Variants in DOCK4 observed in about 807,000 individuals in gnomAD.
The protein encoded by DOCK4 is dedicator of cytokinesis 4.
DOCK4 carries 97 observed loss-of-function variants against 268.1 expected under a neutral mutation model. The ratio of observed to expected loss-of-function variants is 0.36; its 90% CI spans 0.31 to 0.43. The LOEUF is 0.43. DOCK4 is among the 20% of genes least tolerant of loss of function. DOCK4 has a pLI of 1.00. For synonymous variants in DOCK4, 954 were observed against 887.2 expected (o/e 1.08, Z -1.34); for missense variants, 2,145 against 2,455.7 (o/e 0.87, Z 2.67).
At chr7:111,940,285 A>C (rs1309489150) in intron 10 of DOCK4, 43 bp from the exon 11 acceptor site, 20 of 1,612,822 alleles carry the variant, frequency 1.2e-5, no homozygotes, top group Non-Finnish European at 1.6e-5. Context: ...GAGCCATTTG[A>C]TTAGATGCAT....
At chr7:111,864,502 C>G (rs1028505089) in intron 22 of DOCK4, among the ~76,000 whole-genome samples, 1 of 152,138 alleles carries the variant, frequency 6.6e-6, no homozygotes. Context: ...CTGACTCCAT[C>G]AGAAAATAGG....
At chr7:111,737,241 A>C (rs1483664123) in intron 49 of DOCK4, among the ~76,000 whole-genome samples, 1 of 152,200 alleles carries the variant, frequency 6.6e-6, no homozygotes, top group East Asian at 1.9e-4. Flanking sequence ...AATGTTCATA[A>C]TAAAATGTAA....
chr7:111,920,351 T>A (rs1793002178), intron 12 of DOCK4, among the ~76,000 whole-genome samples: 1 of 152,232 alleles, frequency 6.6e-6, no homozygotes, highest in South Asian at 2.1e-4. Context: ...TTTAATCATT[T>A]AGCAGTGTAT....
chr7:112,077,862 G>C (rs1808225401), intron 1 of DOCK4, among the ~76,000 whole-genome samples: 1 of 152,004 alleles, frequency 6.6e-6, no homozygotes, highest in Admixed American at 6.6e-5. Flanking sequence ...TAATAGGTTT[G>C]CTAAAAATAT....
intron 12 of DOCK4, 49 bp downstream of exon 12, chr7:111,935,491 G>C (rs1794667300): frequency 6.5e-7 from 1 of 1,529,968 alleles, no homozygotes; most frequent in East Asian, 2.3e-5. Context: ...ACAAAAAAAA[G>C]GGCTTGGAAC....
At chr7:111,933,944 G>A (rs1039886118) in intron 12 of DOCK4, among the ~76,000 whole-genome samples, 20 of 152,100 alleles carry the variant, frequency 1.3e-4, no homozygotes, top group Admixed American at 5.2e-4. Flanking sequence ...TTCTCTTTGC[G>A]GTCAGTTTGG....
At chr7:111,916,022 T>G (rs1562882371) in intron 12 of DOCK4, 118 bp from the exon 13 acceptor site, 1 of 1,104,868 alleles carries the variant, frequency 9.1e-7, no homozygotes, top group Non-Finnish European at 1.3e-6. Context: ...AGGGTTAATA[T>G]TCCGACGAAA....
At position 111,739,550 on chromosome 7, in the gene DOCK4, AATC is replaced by A. The variant is rs1208877961; in HGVS notation, c.5041-76_5041-74del. ...CACGACACTGACGTATTTGAAACAA[AATC>A]ATCAACTTTTTTTCAAATTAGCAAC... On this transcript the variant is annotated intron_variant, in intron 47 of 52. Coordinates refer to ENST00000428084, the MANE Select transcript of DOCK4 (RefSeq NM_001363540.2). 5 of 1,314,256 alleles carry A rather than the reference AATC, an allele frequency of 3.8e-6. No homozygotes were observed. The African/African-American group carries it at 4.4e-5, about 12-fold the overall frequency. The allele number at this position is 1,314,256 out of a possible 1,614,324, so 81.4% of individuals were successfully genotyped here. A position where few individuals can be genotyped will look rare whatever the true frequency, so the allele number is the denominator to read the frequency against.
At chr7:112,029,064 C>T (rs534027079) in intron 1 of DOCK4, among the ~76,000 whole-genome samples, 4 of 152,064 alleles carry the variant, frequency 2.6e-5, no homozygotes, top group African/African-American at 9.7e-5. Flanking sequence ...AGCATCTGAC[C>T]CCTTCCAGCT....
intron 44 of DOCK4, among the ~76,000 whole-genome samples, chr7:111,743,136 C>T (rs958980393): frequency 6.6e-6 from 1 of 152,158 alleles, no homozygotes; most frequent in Non-Finnish European, 1.5e-5. Context: ...TTCAACCTTC[C>T]TTTGTGCAAC....
intron 12 of DOCK4, among the ~76,000 whole-genome samples, chr7:111,934,364 C>T (rs146242976): frequency 5.7e-4 from 87 of 152,128 alleles, no homozygotes; most frequent in Admixed American, 1.1e-3. Flanking sequence ...TATTTCAGTT[C>T]CTCTCTGAAC....
rs528942680 is a variant in DOCK4, at chr7:112,080,084, TA to T, written c.38-75954del. Among the ~76,000 whole-genome samples, 462 of 152,206 alleles carry T rather than the reference TA, an allele frequency of 3.0e-3. 1 individual carries two copies. The highest frequency in any genetic ancestry group is 5.2e-3 in the Non-Finnish European group (353 of 67,978). ...TAGAGGAACTAAAGTTAGAAAAATT[TA>T]AAAAAATACATTATTTTCATTCAAA... On this transcript the variant is annotated intron_variant, in intron 1 of 52. Coordinates refer to ENST00000428084, the MANE Select transcript of DOCK4 (RefSeq NM_001363540.2).
chr7:111,854,433 C>T (rs1804837688), intron 23 of DOCK4, among the ~76,000 whole-genome samples: 1 of 152,244 alleles, frequency 6.6e-6, no homozygotes, highest in African/African-American at 2.4e-5. Context: ...TCAAGAGGGA[C>T]AGGAATTGCT....
chr7:111,929,810 T>G (rs115164071), intron 12 of DOCK4, among the ~76,000 whole-genome samples: 2 of 152,196 alleles, frequency 1.3e-5, no homozygotes, highest in East Asian at 1.9e-4. Flanking sequence ...CTTACCTGAA[T>G]AGCAAATATG....
chr7:111,731,821 A>C (rs1158895002), intron 52 of DOCK4, among the ~76,000 whole-genome samples: 1 of 152,012 alleles, frequency 6.6e-6, no homozygotes, highest in Non-Finnish European at 1.5e-5. Flanking sequence ...AAGACACAGA[A>C]TATTTAGTAG....
At chr7:111,998,056 C>T (rs139607304) in intron 4 of DOCK4, among the ~76,000 whole-genome samples, 1 of 152,294 alleles carries the variant, frequency 6.6e-6, no homozygotes, top group East Asian at 1.9e-4. Flanking sequence ...GAGAAAGACA[C>T]ACTATGCATC....
chr7:111,857,493 T>C (rs1805106225), intron 23 of DOCK4, among the ~76,000 whole-genome samples: 1 of 152,218 alleles, frequency 6.6e-6, no homozygotes, highest in South Asian at 2.1e-4. Flanking sequence ...TCAGTGCCTT[T>C]AGGTCTTTAT....
chr7:111,935,733 C>T, intron 11 of DOCK4, 105 bp from the exon 12 acceptor site: 1 of 925,888 alleles, frequency 1.1e-6, no homozygotes, highest in South Asian at 1.6e-5. Context: ...TAATGTACCT[C>T]CTTGAGGTCC....
At chr7:111,868,194 CAA>C in intron 21 of DOCK4, 40 bp from the exon 22 acceptor site, 2 of 1,465,870 alleles carry the variant, frequency 1.4e-6, no homozygotes, top group Non-Finnish European at 9.2e-7. Flanking sequence ...TCAAAGGAGA[CAA>C]AGAGTATTTA....
Sources: allele counts gnomAD v4.1 joint callset (sites outside exome capture counted in the v4.1 genomes callset), GRCh38; gene constraint gnomAD v4.1.1; transcripts MANE v1.5; gene names NCBI Gene and HGNC (gene_info 2026-07-23, HGNC 2026-07-21).